The following VPS53 variants were observed in gnomAD, a reference collection of about 807,000 sequenced individuals.
The protein encoded by VPS53 is vacuolar protein sorting-associated protein 53 homolog.
A neutral mutation model predicts 107.0 loss-of-function variants in VPS53; 70 were observed. That is an observed-to-expected ratio of 0.65 (90% CI 0.54 to 0.80). The LOEUF is 0.80. Ranked by LOEUF, VPS53 falls within the 30% of genes least tolerant of loss-of-function variation. The pLI is 0.00. For missense variants in VPS53, 917 were observed against 1,049.4 expected (o/e 0.87, Z 1.74); for synonymous variants, 409 against 393.3 (o/e 1.04, Z -0.47).
chr17:662,832 A>AG (rs1567720019), intron 4 of VPS53, among the ~76,000 whole-genome samples: 1,449 of 78,738 alleles, frequency 0.018, 44 homozygotes, highest in African/African-American at 0.052. Flanking sequence ...AGAAAGAGAA[A>AG]GAAAGGAAGG....
intron 7 of VPS53, among the ~76,000 whole-genome samples, chr17:637,148 G>C (rs1970231295): frequency 6.6e-6 from 1 of 152,172 alleles, no homozygotes. Context: ...AGTCTTGGGA[G>C]GGTGTATGTG....
rs540023854 is a variant in VPS53 at position 570,148 on chromosome 17, C to T, written c.1314-7403G>A. Reference sequence around the variant, plus strand: ...TTGGGAGGCCAAGGCGGGTGGATCACCTGAAGTCAGGAGTTCAAGACCATC... The same window carrying T: ...TTGGGAGGCCAAGGCGGGTGGATCATCTGAAGTCAGGAGTTCAAGACCATC... On this transcript the variant is annotated intron_variant, in intron 13 of 21. Coordinates refer to ENST00000437048, the MANE Select transcript of VPS53 (RefSeq NM_001128159.3). Among the ~76,000 whole-genome samples the T allele has an allele frequency of 1.5e-4, 23 of 151,974 alleles. No individual in the cohort carries two copies. In the East Asian group the frequency reaches 3.9e-3, roughly 26 times the overall value.
At chr17:533,455 T>A (rs1009713359) in intron 18 of VPS53, among the ~76,000 whole-genome samples, 1 of 152,166 alleles carries the variant, frequency 6.6e-6, no homozygotes, top group Non-Finnish European at 1.5e-5. Context: ...TGCTAAGCCC[T>A]GGCCTCCCTA....
Position 560,463 on chromosome 17 carries a change from A to C in VPS53, c.1667T>G (p.Leu556Arg). Reference protein sequence around the residue: ...LEELCLICNILSTAEYCLATT... With the variant: ...LEELCLICNIRSTAEYCLATT... Reference sequence around the variant, plus strand: ...GGCCAGACAGTACTCTGCCGTGCTCAGGATGTTACAGATGAGGCAGAGCTC... The same window carrying C: ...GGCCAGACAGTACTCTGCCGTGCTCCGGATGTTACAGATGAGGCAGAGCTC... Residue 556 changes from leucine to arginine, a missense_variant, in exon 15 of 22, where the codon CTG (leucine) becomes CGG (arginine). Coordinates refer to ENST00000437048, the MANE Select transcript of VPS53 (RefSeq NM_001128159.3). 6.2e-7 allele frequency: 1 copy of C among 1,612,816 alleles called. No homozygotes were observed. The highest frequency in any genetic ancestry group is 8.5e-7 in the Non-Finnish European group (1 of 1,179,980).
intron 4 of VPS53, among the ~76,000 whole-genome samples, chr17:693,924 T>A (rs1972859984): frequency 6.6e-6 from 1 of 152,204 alleles, no homozygotes; most frequent in Non-Finnish European, 1.5e-5. Flanking sequence ...TGGGGCCTCT[T>A]GACCTACAAA....
intron 11 of VPS53, 145 bp downstream of exon 11, chr17:623,388 T>C: frequency 2.1e-6 from 2 of 964,120 alleles, no homozygotes; most frequent in African/African-American, 1.6e-5. Flanking sequence ...TTCTGTATCA[T>C]CACTTTCCCA....
intron 11 of VPS53, 77 bp from the exon 12 acceptor site, chr17:601,973 G>A: frequency 8.9e-7 from 1 of 1,118,918 alleles, no homozygotes; most frequent in Non-Finnish European, 1.2e-6. Context: ...GCTTTTTCTA[G>A]GTGTCTCCAA....
chr17:606,849 T>G, intron 11 of VPS53, among the ~76,000 whole-genome samples: 1 of 147,880 alleles, frequency 6.8e-6, no homozygotes, highest in Admixed American at 6.7e-5. Context: ...AACCATCCCC[T>G]ACCCCCATCC....
At chr17:570,542 T>C (rs926649684) in intron 13 of VPS53, among the ~76,000 whole-genome samples, 4 of 152,142 alleles carry the variant, frequency 2.6e-5, no homozygotes, top group East Asian at 1.9e-4. Flanking sequence ...CAGAAAGTAA[T>C]TGGCCAATCC....
chr17:540,346 G>A (rs1403321083), intron 17 of VPS53: 1 of 151,882 alleles, frequency 6.6e-6, no homozygotes, highest in Non-Finnish European at 1.5e-5. Flanking sequence ...ACCATGCTCA[G>A]CTAATTAAAA....
At chr17:692,131 T>A (rs756700945) in intron 4 of VPS53, among the ~76,000 whole-genome samples, 2 of 152,334 alleles carry the variant, frequency 1.3e-5, no homozygotes, top group Middle Eastern at 6.8e-3. Context: ...GAGAGCTTAC[T>A]GACGACCGGT....
At chr17:653,531 G>A in intron 6 of VPS53, 121 bp from the exon 7 acceptor site, 1 of 1,460,724 alleles carries the variant, frequency 6.8e-7, no homozygotes, top group East Asian at 2.4e-5. Context: ...CGTTCGCTGA[G>A]CACTGAGTAT....
intron 4 of VPS53, 111 bp from the exon 5 acceptor site, chr17:662,006 A>C: frequency 3.1e-6 from 3 of 983,198 alleles, no homozygotes; most frequent in Middle Eastern, 4.5e-4. Flanking sequence ...CTCCTGATTC[A>C]TTGTACTTAT....
chr17:601,699 TG>T, intron 12 of VPS53, 95 bp downstream of exon 12: 2 of 895,066 alleles, frequency 2.2e-6, no homozygotes, highest in South Asian at 3.8e-5. Context: ...TCTCTGAACG[TG>T]GCCAAGAGCC....
At chr17:696,757 G>A (rs1350855502) in intron 4 of VPS53, among the ~76,000 whole-genome samples, 4 of 148,652 alleles carry the variant, frequency 2.7e-5, no homozygotes. Flanking sequence ...CCCTCCAATG[G>A]CCTCCTTAAC....
chr17:612,393 C>T (rs1439673444), intron 11 of VPS53, among the ~76,000 whole-genome samples: 3 of 59,946 alleles, frequency 5.0e-5, no homozygotes, highest in Admixed American at 1.5e-4. Flanking sequence ...CAGATATTCA[C>T]AGCAGTATTC....
At chr17:658,547 T>A (rs1282256576) in intron 5 of VPS53, among the ~76,000 whole-genome samples, 1 of 150,072 alleles carries the variant, frequency 6.7e-6, no homozygotes, top group Non-Finnish European at 1.5e-5. Flanking sequence ...CCCACCAAAG[T>A]GAGAAACTTG....
rs1907787132 is a variant in VPS53, at chr17:509,337, C to T, written c.*9791G>A. The stretch of plus-strand genomic sequence containing the variant: ...GGTACATATCGAATCCTGGCTCACC[C>T]CTCACTAGTCACATATTGAATCCTG... On this transcript the variant is annotated 3_prime_UTR_variant, in exon 22 of 22. Coordinates refer to ENST00000437048, the MANE Select transcript of VPS53 (RefSeq NM_001128159.3). The T allele has an allele frequency of 6.2e-6, 1 of 160,922 alleles. No individual in the cohort carries two copies. The highest frequency in any genetic ancestry group is 1.4e-5 in the Non-Finnish European group (1 of 73,672). 10.0% of individuals were successfully genotyped at this position (160,922 alleles called of 1,614,324 possible). A position where few individuals can be genotyped will look rare whatever the true frequency, so the allele number is the denominator to read the frequency against.
chr17:652,005 AT>A (rs397967122), intron 7 of VPS53, among the ~76,000 whole-genome samples: 2,404 of 141,960 alleles, frequency 0.017, 22 homozygotes, highest in African/African-American at 0.029. Context: ...GGTTCACTGT[AT>A]TTTTTTTTTT....
Sources: gnomAD v4.1 joint callset for allele counts (sites outside exome capture counted in the v4.1 genomes callset) on GRCh38, gnomAD v4.1.1 for gene constraint, MANE v1.5 for transcripts, NCBI Gene and HGNC (gene_info 2026-07-23, HGNC 2026-07-21) for gene names.